The following ST7 variants were observed in gnomAD, a reference collection of about 807,000 sequenced individuals.
The protein encoded by ST7 is suppressor of tumorigenicity 7 protein.
A neutral mutation model predicts 78.7 loss-of-function variants in ST7; 28 were observed. The ratio of observed to expected loss-of-function variants is 0.36; its 90% CI spans 0.26 to 0.49. ST7 has a LOEUF of 0.49. Among genes scored for constraint, ST7 ranks in the 20% least tolerant of loss-of-function variants. The probability of loss-of-function intolerance (pLI) is 0.99; values close to 1 mark genes in which losing one functional copy is unlikely to be tolerated. For synonymous variants in ST7, 247 were observed against 249.6 expected, an observed-to-expected ratio of 0.99 and a Z score of 0.10; for missense variants, 418 against 696.0, an observed-to-expected ratio of 0.60 and a Z score of 4.49.
chr7:117,089,998 A>C (rs1800476950), intron 1 of ST7, among the ~76,000 whole-genome samples: 1 of 152,224 alleles, frequency 6.6e-6, no homozygotes, highest in South Asian at 2.1e-4. Context: ...GGTGAAGTCA[A>C]GTATGTAATG....
At chr7:117,152,698 C>T (rs1195932271) in intron 9 of ST7, among the ~76,000 whole-genome samples, 1 of 152,146 alleles carries the variant, frequency 6.6e-6, no homozygotes. Flanking sequence ...CCTTTTACTG[C>T]TGTGATATGG....
rs1179484302 is a variant in ST7, at chr7:117,229,858, G to C, written c.*1G>C. The C allele has an allele frequency of 1.2e-6, 2 of 1,613,730 alleles. No homozygotes were observed. The highest frequency in any genetic ancestry group is 1.7e-6 in the Non-Finnish European group (2 of 1,179,646). ...GTGGCACCAGCTAACACGGATCTGAGAGAAGCCCTGTCCTCCACTCACCTC... is the reference window on the plus strand; with the variant it reads ...GTGGCACCAGCTAACACGGATCTGACAGAAGCCCTGTCCTCCACTCACCTC... On this transcript the variant is annotated 3_prime_UTR_variant, in exon 16 of 16. Transcript: ENST00000323984.
intron 14 of ST7, among the ~76,000 whole-genome samples, chr7:117,220,523 A>G (rs556081425): frequency 3.3e-5 from 5 of 152,350 alleles, no homozygotes; most frequent in South Asian, 2.1e-4. Flanking sequence ...ATCGAGTCCA[A>G]TTAAGTTTCC....
intron 1 of ST7, among the ~76,000 whole-genome samples, chr7:117,050,086 G>C (rs1048845569): frequency 2.0e-5 from 3 of 151,550 alleles, no homozygotes; most frequent in Non-Finnish European, 2.9e-5. Context: ...GTGTTGGCAG[G>C]CACCTGTAGT....
intron 3 of ST7, among the ~76,000 whole-genome samples, chr7:117,127,750 A>ATGTT (rs1012986958): frequency 2.0e-5 from 3 of 151,932 alleles, no homozygotes; most frequent in African/African-American, 7.2e-5. Context: ...ATATTTCACA[A>ATGTT]TGTTTGCTGC....
At chr7:117,228,662 A>C (rs1239247386) in intron 15 of ST7, among the ~76,000 whole-genome samples, 1 of 152,186 alleles carries the variant, frequency 6.6e-6, no homozygotes, top group East Asian at 1.9e-4. Flanking sequence ...CAGTCCACAG[A>C]ACATTTACCT....
At chr7:117,132,075 G>A (rs539830758) in intron 6 of ST7, 115 bp downstream of exon 6, 2 of 1,087,234 alleles carry the variant, frequency 1.8e-6, no homozygotes, top group South Asian at 1.5e-5. Context: ...AGGATTATTT[G>A]GGGAGTTATT....
chr7:117,190,700 C>A lies in ST7; in HGVS notation c.1152-134C>A. Reference sequence around the variant, plus strand: ...CGGTCCGTGGGGTCACTCAGAGGTTCCATGCAGTAGAAGTTTGGAGAGCTC... The same window carrying A: ...CGGTCCGTGGGGTCACTCAGAGGTTACATGCAGTAGAAGTTTGGAGAGCTC... On this transcript the variant is annotated intron_variant, in intron 11 of 15. Coordinates refer to ENST00000323984, the MANE Select transcript of ST7 (RefSeq NM_001369598.1). The surrounding 1 kb of genome is among the most constrained non-coding windows in gnomAD (Gnocchi z 5.2). The A allele has an allele frequency of 1.5e-6, 1 of 656,368 alleles. No homozygotes were observed. The highest frequency in any genetic ancestry group is 2.6e-6 in the Non-Finnish European group (1 of 378,006). The allele number at this position is 656,368 out of a possible 1,614,324, so 40.7% of individuals were successfully genotyped here.
intron 1 of ST7, among the ~76,000 whole-genome samples, chr7:117,028,336 T>A (rs1796308848): frequency 6.6e-6 from 1 of 152,220 alleles, no homozygotes; most frequent in African/African-American, 2.4e-5. Context: ...TATTTTACTT[T>A]TTTTTGTGAG....
intron 12 of ST7, among the ~76,000 whole-genome samples, chr7:117,209,179 A>T (rs772053792): frequency 6.6e-6 from 1 of 151,882 alleles, no homozygotes; most frequent in Admixed American, 6.6e-5. Flanking sequence ...CCCATCCCCT[A>T]CCCCAACTCC....
intron 1 of ST7, among the ~76,000 whole-genome samples, chr7:117,091,269 A>C (rs999155668): frequency 6.6e-6 from 1 of 152,200 alleles, no homozygotes; most frequent in Non-Finnish European, 1.5e-5. Flanking sequence ...AAGGGCAAGG[A>C]GAGGGGCAGC....
chr7:117,079,968 C>CTTTTTTTTTTTT (rs34326752), intron 1 of ST7, among the ~76,000 whole-genome samples: 2 of 65,438 alleles, frequency 3.1e-5, no homozygotes, highest in African/African-American at 5.5e-5. Context: ...TTTGTCATTC[C>CTTTTTTTTTTTT]TTTTTTTTTT....
chr7:117,022,569 C>T (rs914158167), intron 1 of ST7, among the ~76,000 whole-genome samples: 5 of 152,120 alleles, frequency 3.3e-5, no homozygotes, highest in African/African-American at 9.7e-5. Context: ...AGGTTTGAAA[C>T]TGTACTTAAA....
At position 116,976,232 on chromosome 7, in the gene ST7, C is replaced by T. The variant is rs562050696; in HGVS notation, c.151+22541C>T. On this transcript the variant is annotated intron_variant, in intron 1 of 15. Transcript: ENST00000323984. ...TGAGCCGAGATCAGGCCACTACACT[C>T]CAGCCTGGGTGACAGAGCAAGACTC... Among the ~76,000 whole-genome samples, 4 of 152,254 alleles carry T rather than the reference C, an allele frequency of 2.6e-5. No homozygotes were observed. In the South Asian group the frequency reaches 8.3e-4, roughly 32 times the overall value.
At chr7:116,965,775 A>T (rs1675957668) in intron 1 of ST7, 1 of 157,130 alleles carries the variant, frequency 6.4e-6, no homozygotes, top group Non-Finnish European at 1.5e-5. Context: ...AAAAGATAAG[A>T]CAAACAACAC....
At chr7:117,023,296 T>C (rs192142425) in intron 1 of ST7, among the ~76,000 whole-genome samples, 1 of 152,288 alleles carries the variant, frequency 6.6e-6, no homozygotes, top group Admixed American at 6.5e-5. Flanking sequence ...AAAAAAATTA[T>C]GTGGAAGAGT....
At chr7:117,065,632 A>G (rs148554779) in intron 1 of ST7, among the ~76,000 whole-genome samples, 119 of 152,300 alleles carry the variant, frequency 7.8e-4, no homozygotes, top group African/African-American at 2.8e-3. Flanking sequence ...ATTTCTGTGT[A>G]TCTGTCAAGG....
chr7:117,014,247 T>G (rs1795503138), intron 1 of ST7, among the ~76,000 whole-genome samples: 2 of 151,180 alleles, frequency 1.3e-5, no homozygotes, highest in African/African-American at 4.9e-5. Flanking sequence ...AAGTAGCCAT[T>G]GTTAAAGTTT....
intron 10 of ST7, among the ~76,000 whole-genome samples, chr7:117,172,300 G>A (rs1473720301): frequency 2.0e-5 from 3 of 152,136 alleles, no homozygotes; most frequent in African/African-American, 7.2e-5. Flanking sequence ...ATGGGTGAGA[G>A]TTATCATCTC....
Sources: gnomAD v4.1 joint callset for allele counts (sites outside exome capture counted in the v4.1 genomes callset) on GRCh38, gnomAD v4.1.1 for gene constraint, Gnocchi (gnomAD v3.1) non-coding constraint, MANE v1.5 for transcripts, NCBI Gene and HGNC (gene_info 2026-07-23, HGNC 2026-07-21) for gene names.